The following HS6ST3 variants were observed in gnomAD, a reference collection of about 807,000 sequenced individuals.
HS6ST3 encodes the protein heparan sulfate 6-O-sulfotransferase 3, also known as heparan-sulfate 6-O-sulfotransferase 3.
A neutral mutation model predicts 36.7 loss-of-function variants in HS6ST3; 12 were observed. The ratio of observed to expected loss-of-function variants is 0.33; its 90% CI spans 0.21 to 0.53. The LOEUF (loss-of-function observed/expected upper bound fraction) is 0.53, where lower values mean the gene tolerates loss of function less well. Among genes scored for constraint, HS6ST3 ranks in the 20% least tolerant of loss-of-function variants. The pLI, the probability that HS6ST3 is intolerant of heterozygous loss-of-function variation, is 0.95. For missense variants in HS6ST3, 584 were observed against 640.9 expected, an observed-to-expected ratio of 0.91 and a Z score of 0.96; for synonymous variants, 240 against 257.5, an observed-to-expected ratio of 0.93 and a Z score of 0.65.
At chr13:96,659,228 G>T (rs1009674569) in intron 1 of HS6ST3, among the ~76,000 whole-genome samples, 2 of 152,256 alleles carry the variant, frequency 1.3e-5, no homozygotes, top group Admixed American at 6.5e-5. Context: ...AGAATGTAGT[G>T]GTTTGGGGTG....
chr13:96,117,228 A>C (rs493423), intron 1 of HS6ST3, among the ~76,000 whole-genome samples: 132,377 of 152,132 alleles, frequency 0.87, 57,767 homozygotes, highest in East Asian at 0.91. Context: ...ATGAAAGAGA[A>C]TATTTTGGTC....
At chr13:96,098,330 G>A (rs1476604793) in intron 1 of HS6ST3, among the ~76,000 whole-genome samples, 1 of 152,184 alleles carries the variant, frequency 6.6e-6, no homozygotes, top group Non-Finnish European at 1.5e-5. Context: ...TTATATAGAT[G>A]CTAGATTACT....
chr13:96,801,996 C>A (rs972778212), intron 1 of HS6ST3, among the ~76,000 whole-genome samples: 1 of 152,120 alleles, frequency 6.6e-6, no homozygotes, highest in African/African-American at 2.4e-5. Flanking sequence ...ATGGCCAATT[C>A]TCCCCATCAT....
At chr13:96,331,613 A>G (rs1208673076) in intron 1 of HS6ST3, among the ~76,000 whole-genome samples, 1 of 152,126 alleles carries the variant, frequency 6.6e-6, no homozygotes, top group Non-Finnish European at 1.5e-5. Flanking sequence ...TTAAGTCTGC[A>G]GAGGTTACTG....
intron 1 of HS6ST3, among the ~76,000 whole-genome samples, chr13:96,762,461 C>T (rs945883304): frequency 7.2e-5 from 11 of 152,182 alleles, no homozygotes; most frequent in African/African-American, 2.4e-4. Context: ...GCCTAGGTGA[C>T]AGAGTGAGAC....
chr13:96,829,024 C>T (rs1878710092), intron 1 of HS6ST3, among the ~76,000 whole-genome samples: 1 of 152,150 alleles, frequency 6.6e-6, no homozygotes, highest in East Asian at 1.9e-4. Flanking sequence ...GTGTTCTTTT[C>T]CATTGATTTA....
intron 1 of HS6ST3, among the ~76,000 whole-genome samples, chr13:96,650,411 A>T (rs1374023008): frequency 6.6e-6 from 1 of 151,882 alleles, no homozygotes; most frequent in Non-Finnish European, 1.5e-5. Flanking sequence ...TCTTATATCT[A>T]TATCGAAGTC....
At chr13:96,533,607 G>T (rs2056144205) in intron 1 of HS6ST3, among the ~76,000 whole-genome samples, 1 of 152,164 alleles carries the variant, frequency 6.6e-6, no homozygotes, top group Non-Finnish European at 1.5e-5. Context: ...GCAACAAGGA[G>T]CTGGGCTGCC....
intron 1 of HS6ST3, among the ~76,000 whole-genome samples, chr13:96,204,077 A>G (rs1333513461): frequency 1.3e-5 from 2 of 152,240 alleles, no homozygotes; most frequent in African/African-American, 2.4e-5. Context: ...CTATTAAAAT[A>G]TTACATATTT....
At chr13:96,688,230 TC>T (rs1303470039) in intron 1 of HS6ST3, among the ~76,000 whole-genome samples, 2 of 23,458 alleles carry the variant, frequency 8.5e-5, no homozygotes, top group Non-Finnish European at 2.7e-4. Flanking sequence ...ATAATAATCA[TC>T]ATCATCATAA....
chr13:96,678,707 A>G (rs2056707819), intron 1 of HS6ST3, among the ~76,000 whole-genome samples: 1 of 151,966 alleles, frequency 6.6e-6, no homozygotes, highest in African/African-American at 2.4e-5. Flanking sequence ...TAAACTAAAA[A>G]CAGTATAAAA....
At chr13:96,464,747 T>A (rs908771603) in intron 1 of HS6ST3, among the ~76,000 whole-genome samples, 1 of 151,868 alleles carries the variant, frequency 6.6e-6, no homozygotes, top group Non-Finnish European at 1.5e-5. Flanking sequence ...GATTTTCAGG[T>A]TCTGATTTGG....
At position 96,737,611 on chromosome 13, in the gene HS6ST3, G is replaced by T. The variant is rs868278508; in HGVS notation, c.708-94879G>T. On this transcript the variant is annotated intron_variant, in intron 1 of 1. Coordinates refer to ENST00000376705, the MANE Select transcript of HS6ST3 (RefSeq NM_153456.4). Reference sequence around the variant, plus strand: ...CTGCAGTCCGCAGTCCGGCCTGGGCGACAGAGCGAGACTCCGTCTCAAAAA... The same window carrying T: ...CTGCAGTCCGCAGTCCGGCCTGGGCTACAGAGCGAGACTCCGTCTCAAAAA... Among the ~76,000 whole-genome samples the T allele has an allele frequency of 4.1e-3, 498 of 122,380 alleles. 3 individuals are homozygous for T. The highest frequency in any genetic ancestry group is 0.014 in the African/African-American group (447 of 32,042). 80.3% of individuals were successfully genotyped at this position (122,380 alleles called of 152,430 possible).
chr13:96,157,761 A>T (rs975162003), intron 1 of HS6ST3, among the ~76,000 whole-genome samples: 1 of 152,232 alleles, frequency 6.6e-6, no homozygotes, highest in African/African-American at 2.4e-5. Flanking sequence ...ATGAATGATT[A>T]GTGTGCAAGA....
chr13:96,623,496 G>A (rs886830445), intron 1 of HS6ST3, among the ~76,000 whole-genome samples: 2 of 151,578 alleles, frequency 1.3e-5, no homozygotes, highest in Admixed American at 6.6e-5. Context: ...GGTAGCTCCC[G>A]CAGCTTCTAG....
chr13:96,290,710 C>T (rs924497483), intron 1 of HS6ST3, among the ~76,000 whole-genome samples: 1 of 152,200 alleles, frequency 6.6e-6, no homozygotes, highest in East Asian at 1.9e-4. Flanking sequence ...ATGGAAGTCA[C>T]AGCACTTCAT....
At chr13:96,630,955 G>C (rs1485990289) in intron 1 of HS6ST3, among the ~76,000 whole-genome samples, 1 of 152,020 alleles carries the variant, frequency 6.6e-6, no homozygotes, top group African/African-American at 2.4e-5. Context: ...AAATTATTTT[G>C]AGTCTTATAT....
At chr13:96,727,889 T>A (rs767973003) in intron 1 of HS6ST3, among the ~76,000 whole-genome samples, 3 of 152,198 alleles carry the variant, frequency 2.0e-5, no homozygotes, top group Non-Finnish European at 4.4e-5. Context: ...TCCATACAAC[T>A]TTCAAATTTT....
chr13:96,536,901 T>C (rs888420301), intron 1 of HS6ST3, among the ~76,000 whole-genome samples: 2 of 152,222 alleles, frequency 1.3e-5, no homozygotes, highest in Non-Finnish European at 2.9e-5. Flanking sequence ...TCCACCTACC[T>C]ATACAGGTGG....
Sources: allele counts gnomAD v4.1 joint callset (sites outside exome capture counted in the v4.1 genomes callset), GRCh38; gene constraint gnomAD v4.1.1; transcripts MANE v1.5; gene names NCBI Gene and HGNC (gene_info 2026-07-23, HGNC 2026-07-21).